Variants in FNDC3A observed in about 807,000 individuals in gnomAD.
FNDC3A encodes fibronectin type III domain containing 3A, also known as fibronectin type-III domain-containing protein 3A.
A neutral mutation model predicts 148.9 loss-of-function variants in FNDC3A; 32 were observed. The ratio of observed to expected loss-of-function variants is 0.21; its 90% CI spans 0.16 to 0.29. FNDC3A has a LOEUF of 0.29. Among genes scored for constraint, FNDC3A ranks in the 10% least tolerant of loss-of-function variants. FNDC3A has a pLI of 1.00. For synonymous variants in FNDC3A, 472 were observed against 473.6 expected, an observed-to-expected ratio of 1.00 and a Z score of 0.04; for missense variants, 1,191 against 1,452.8, an observed-to-expected ratio of 0.82 and a Z score of 2.93.
At chr13:49,012,549 T>C (rs570475581) in intron 2 of FNDC3A, among the ~76,000 whole-genome samples, 1 of 151,910 alleles carries the variant, frequency 6.6e-6, no homozygotes, top group East Asian at 1.9e-4. Flanking sequence ...AGCTTATCAA[T>C]ACACACACAC....
At chr13:49,038,578 C>T (rs1265062269) in intron 2 of FNDC3A, among the ~76,000 whole-genome samples, 2 of 152,184 alleles carry the variant, frequency 1.3e-5, no homozygotes, top group Non-Finnish European at 2.9e-5. Context: ...AAATAAATTT[C>T]TGTGGTTCTT....
intron 3 of FNDC3A, among the ~76,000 whole-genome samples, chr13:49,085,416 T>C (rs1878741059): frequency 6.6e-6 from 1 of 151,864 alleles, no homozygotes; most frequent in Admixed American, 6.6e-5. Context: ...GATGTCTTTG[T>C]TGGGGAGGAG....
chr13:49,037,562 T>C (rs944432731), intron 2 of FNDC3A, among the ~76,000 whole-genome samples: 1 of 152,164 alleles, frequency 6.6e-6, no homozygotes. Flanking sequence ...AATTGTCATG[T>C]CCACCCCCTA....
At chr13:49,096,367 T>C (rs1242850734) in intron 3 of FNDC3A, among the ~76,000 whole-genome samples, 1 of 152,166 alleles carries the variant, frequency 6.6e-6, no homozygotes, top group East Asian at 1.9e-4. Flanking sequence ...TCATTCACTT[T>C]TAAAGAATGA....
intron 2 of FNDC3A, among the ~76,000 whole-genome samples, chr13:49,029,152 A>G (rs1411221394): frequency 3.9e-5 from 6 of 152,018 alleles, no homozygotes; most frequent in Non-Finnish European, 8.8e-5. Flanking sequence ...GTTTTTTTTT[A>G]GTAGAGACAG....
At chr13:49,204,486 A>C (rs1886558654) in intron 25 of FNDC3A, among the ~76,000 whole-genome samples, 1 of 152,196 alleles carries the variant, frequency 6.6e-6, no homozygotes, top group Non-Finnish European at 1.5e-5. Context: ...ATTACAAAAG[A>C]TCCAAAGAGT....
chr13:49,046,464 TA>T, intron 2 of FNDC3A: 1 of 168,802 alleles, frequency 5.9e-6, no homozygotes. Context: ...TTGTTATGAA[TA>T]AAATAGATAT....
chr13:49,196,080 C>CAAAAA (rs71076070), intron 19 of FNDC3A, among the ~76,000 whole-genome samples: 31 of 71,522 alleles, frequency 4.3e-4, no homozygotes, highest in African/African-American at 1.0e-3. Flanking sequence ...GACCTTGTCT[C>CAAAAA]AAAAAAAAAA....
At chr13:49,055,575 A>G (rs1443204325) in intron 2 of FNDC3A, among the ~76,000 whole-genome samples, 1 of 152,192 alleles carries the variant, frequency 6.6e-6, no homozygotes, top group Non-Finnish European at 1.5e-5. Context: ...TCTGCATGAT[A>G]AAATTTGGTC....
chr13:49,208,344 T>A lies in FNDC3A; in HGVS notation c.*949T>A, dbSNP rs1449439681. ...ATAGGCTAATTTTGAAGAACTCCCA[T>A]AAGTTTCTGCTGCTTCTCCCATAAC... On this transcript the variant is annotated 3_prime_UTR_variant, in exon 26 of 26. Transcript: ENST00000492622. The A allele has an allele frequency of 6.6e-6, 1 of 152,642 alleles. No homozygotes were observed. The highest frequency in any genetic ancestry group is 1.5e-5 in the Non-Finnish European group (1 of 68,028). The allele number at this position is 152,642 out of a possible 1,614,324, so 9.5% of individuals were successfully genotyped here.
intron 13 of FNDC3A, among the ~76,000 whole-genome samples, chr13:49,178,067 A>C (rs1885119235): frequency 6.6e-6 from 1 of 152,224 alleles, no homozygotes; most frequent in Non-Finnish European, 1.5e-5. Flanking sequence ...AAAATTTGTA[A>C]AGCATTGTCA....
chr13:48,998,388 A>G (rs978305571), intron 1 of FNDC3A, among the ~76,000 whole-genome samples: 8 of 152,210 alleles, frequency 5.3e-5, no homozygotes, highest in African/African-American at 1.4e-4. Flanking sequence ...CCATCATGTG[A>G]TGGGTTGCAG....
At position 49,065,522 on chromosome 13, in the gene FNDC3A, T is replaced by C. The variant is rs1451774606; in HGVS notation, c.100-9767T>C. On this transcript the variant is annotated intron_variant, in intron 2 of 25. Coordinates refer to ENST00000492622, the MANE Select transcript of FNDC3A (RefSeq NM_001079673.2). Reference sequence around the variant, plus strand: ...TCTGCAAGAGGATGGGTTCTGCTTATCTTGTTCACCTATATCAGCCTAGAA... The same window carrying C: ...TCTGCAAGAGGATGGGTTCTGCTTACCTTGTTCACCTATATCAGCCTAGAA... Among the ~76,000 whole-genome samples the C allele has an allele frequency of 9.2e-5, 14 of 152,246 alleles. 1 individual carries two copies. The East Asian group carries it at 2.7e-3, about 29-fold the overall frequency.
At chr13:49,020,569 TA>T (rs1873245386) in intron 2 of FNDC3A, among the ~76,000 whole-genome samples, 1 of 152,238 alleles carries the variant, frequency 6.6e-6, no homozygotes, top group African/African-American at 2.4e-5. Flanking sequence ...ACCCAGCCCC[TA>T]AATAGAATGT....
Position 48,986,687 on chromosome 13 carries a change from C to T in FNDC3A, c.-40+10510C>T, listed in dbSNP as rs527267055. 9.9e-5 allele frequency among the ~76,000 whole-genome samples: 15 copies of T among 151,940 alleles called. No individual in the cohort carries two copies. In the East Asian group the frequency reaches 2.7e-3, roughly 27 times the overall value. On this transcript the variant is annotated intron_variant, in intron 1 of 25. Transcript: ENST00000492622. Reference sequence around the variant, plus strand: ...CTGGGATTACAGGCGTGAGCCACTGCGCCTGGCCCGGAAGGTTTTTTTAAA... The same window carrying T: ...CTGGGATTACAGGCGTGAGCCACTGTGCCTGGCCCGGAAGGTTTTTTTAAA...
In FNDC3A at chr13:49,045,300, C is replaced by T. The variant is rs184744260; in HGVS notation, c.100-29989C>T. Among the ~76,000 whole-genome samples the T allele has an allele frequency of 2.0e-3, 309 of 152,090 alleles. 2 individuals carry two copies. The highest frequency in any genetic ancestry group is 3.1e-3 in the Non-Finnish European group (209 of 67,984). ...TCCCGAGTAGCTGGGACTACAAGTG[C>T]GTGCCACCACGGCCAGCTAATTTTT... On this transcript the variant is annotated intron_variant, in intron 2 of 25. Coordinates refer to ENST00000492622, the MANE Select transcript of FNDC3A (RefSeq NM_001079673.2).
intron 14 of FNDC3A, among the ~76,000 whole-genome samples, chr13:49,184,753 G>T (rs530112460): frequency 5.4e-4 from 82 of 152,264 alleles, no homozygotes; most frequent in African/African-American, 1.6e-3. Context: ...GGTAGGTGTA[G>T]GTAAAGCTTG....
At chr13:49,044,274 C>T (rs78680007) in intron 2 of FNDC3A, 1 of 190,838 alleles carries the variant, frequency 5.2e-6, no homozygotes, top group Non-Finnish European at 1.1e-5. Flanking sequence ...TGTGCCTCCT[C>T]TCTGCTGTCA....
At chr13:48,983,357 A>G (rs1020240223) in intron 1 of FNDC3A, among the ~76,000 whole-genome samples, 2 of 152,206 alleles carry the variant, frequency 1.3e-5, no homozygotes, top group African/African-American at 4.8e-5. Flanking sequence ...CTATTCAACT[A>G]TGAACTCCTT....
Sources: gnomAD v4.1 joint callset for allele counts (sites outside exome capture counted in the v4.1 genomes callset) on GRCh38, gnomAD v4.1.1 for gene constraint, MANE v1.5 for transcripts, NCBI Gene and HGNC (gene_info 2026-07-23, HGNC 2026-07-21) for gene names.